Variants in SPIDR observed in about 807,000 individuals in gnomAD.
SPIDR encodes DNA repair-scaffolding protein.
In SPIDR, 93 loss-of-function variants were observed where a neutral mutation model predicts 104.6. The ratio of observed to expected loss-of-function variants is 0.89; its 90% CI spans 0.75 to 1.06. The LOEUF (loss-of-function observed/expected upper bound fraction) is 1.06. Ranked by LOEUF, SPIDR falls within the 50% of genes least tolerant of loss-of-function variation. SPIDR has a pLI of 0.00. For missense variants in SPIDR, 1,154 were observed against 1,111.2 expected (o/e 1.04, Z -0.55); for synonymous variants, 431 against 416.9 (o/e 1.03, Z -0.41).
At chr8:47,540,045 A>C (rs2087797799) in intron 8 of SPIDR, among the ~76,000 whole-genome samples, 1 of 152,212 alleles carries the variant, frequency 6.6e-6, no homozygotes, top group South Asian at 2.1e-4. Flanking sequence ...TGACTGTATT[A>C]TTCCCCCACA....
chr8:47,734,071 G>T (rs552855320), intron 19 of SPIDR, among the ~76,000 whole-genome samples: 2 of 152,148 alleles, frequency 1.3e-5, no homozygotes, highest in Admixed American at 1.3e-4. Flanking sequence ...AAACTTGGTG[G>T]CATCAATATT....
Position 47,414,534 on chromosome 8 carries a change from A to AGAG in SPIDR, c.877+6573_877+6574insGAG, listed in dbSNP as rs558474347. ...TTACAAAATTGATCTGTCGATTATA[A>AGAG]TGATTTAGCTTGAGATCTTTCTTTC... On this transcript the variant is annotated intron_variant, in intron 7 of 19. Coordinates refer to ENST00000297423, the MANE Select transcript of SPIDR (RefSeq NM_001080394.4). Among the ~76,000 whole-genome samples the AGAG allele has an allele frequency of 2.8e-3, 421 of 152,316 alleles. 1 individual carries two copies. The highest frequency in any genetic ancestry group is 9.9e-3 in the African/African-American group (411 of 41,576).
intron 5 of SPIDR, chr8:47,294,346 G>A: frequency 4.2e-6 from 1 of 236,034 alleles, no homozygotes; most frequent in Non-Finnish European, 8.2e-6. Flanking sequence ...ACCATACCTG[G>A]GCAAAAAGAT....
intron 8 of SPIDR, among the ~76,000 whole-genome samples, chr8:47,490,980 A>C (rs2078607207): frequency 6.6e-6 from 1 of 152,320 alleles, no homozygotes; most frequent in East Asian, 1.9e-4. Flanking sequence ...TGTACCCTAG[A>C]ACTTAAAGTA....
chr8:47,568,169 T>C (rs1334335000), intron 8 of SPIDR, among the ~76,000 whole-genome samples: 1 of 152,154 alleles, frequency 6.6e-6, no homozygotes, highest in Non-Finnish European at 1.5e-5. Context: ...ATGGAGAGTT[T>C]GGTAGTTACG....
intron 5 of SPIDR, among the ~76,000 whole-genome samples, chr8:47,349,225 A>T (rs1554620574): frequency 1.9e-4 from 29 of 152,124 alleles, no homozygotes. Context: ...AGGTCTGTTG[A>T]AGTTTGTTGG....
intron 7 of SPIDR, among the ~76,000 whole-genome samples, chr8:47,408,390 G>T (rs1044873526): frequency 2.0e-5 from 3 of 152,132 alleles, no homozygotes; most frequent in African/African-American, 4.8e-5. Context: ...CTCCCGACTG[G>T]CTAAGACCAC....
Position 47,639,563 on chromosome 8 carries a change from T to TG in SPIDR, c.1545-34238_1545-34237insG, listed in dbSNP as rs563904849. On this transcript the variant is annotated intron_variant, in intron 10 of 19. Transcript: ENST00000297423. ...TTTACCCTATAACTTCACTTCCACG[T>TG]ATCAAATATTAGATGTGGAATCTTC... Among the ~76,000 whole-genome samples the TG allele has an allele frequency of 3.0e-3, 452 of 152,368 alleles. 3 individuals are homozygous for TG. The highest frequency in any genetic ancestry group is 0.011 in the African/African-American group (442 of 41,590).
At chr8:47,291,267 T>G (rs2039851549) in intron 4 of SPIDR, 130 bp downstream of exon 4, 8 of 553,164 alleles carry the variant, frequency 1.4e-5, no homozygotes, top group Non-Finnish European at 2.5e-5. Context: ...GGATTTAATA[T>G]TGGAAGAAAC....
At chr8:47,330,211 A>T (rs1228905762) in intron 5 of SPIDR, among the ~76,000 whole-genome samples, 3 of 150,400 alleles carry the variant, frequency 2.0e-5, no homozygotes, top group East Asian at 1.9e-4. Context: ...TTTTTTTTTT[A>T]AAGCATCTTT....
chr8:47,529,284 G>A (rs1264607425), intron 8 of SPIDR, among the ~76,000 whole-genome samples: 1 of 152,072 alleles, frequency 6.6e-6, no homozygotes, highest in Non-Finnish European at 1.5e-5. Flanking sequence ...CGGGCATGGT[G>A]ACACGCACCT....
intron 8 of SPIDR, among the ~76,000 whole-genome samples, chr8:47,562,044 G>A (rs1382179210): frequency 6.6e-6 from 1 of 152,104 alleles, no homozygotes; most frequent in African/African-American, 2.4e-5. Flanking sequence ...TTTATAACCA[G>A]AAAAAGATTT....
At chr8:47,358,491 T>C (rs1365925315) in intron 5 of SPIDR, among the ~76,000 whole-genome samples, 2 of 152,210 alleles carry the variant, frequency 1.3e-5, no homozygotes, top group Non-Finnish European at 2.9e-5. Flanking sequence ...GTATACTCAC[T>C]TCTGAGTTTG....
intron 5 of SPIDR, among the ~76,000 whole-genome samples, chr8:47,305,661 CTTAT>C (rs1475140682): frequency 6.6e-5 from 10 of 152,186 alleles, no homozygotes; most frequent in South Asian, 4.1e-4. Context: ...TGTATTTTTA[CTTAT>C]TTATATAAAT....
In SPIDR at chr8:47,595,893, T is replaced by C. The variant is rs756587287; in HGVS notation, c.1180T>C (p.Ser394Pro). ...FCEKVVAKED[S>P]EKTCEVYCPD... ...TGAGAAAGTTGTTGCCAAAGAAGAT[T>C]CAGAAAAAACTTGTGAAGTGTACTG... is the stretch of plus-strand genomic sequence containing the variant. The change falls in exon 9 of 20, where the codon TCA becomes CCA. Residue 394 changes from serine to proline, a missense_variant. Ser to Pro is a moderately conservative substitution (Grantham distance 74). Coordinates refer to ENST00000297423, the MANE Select transcript of SPIDR (RefSeq NM_001080394.4). 3.1e-6 allele frequency: 5 copies of C among 1,614,080 alleles called. No homozygotes were observed. Among genetic ancestry groups the C allele is most frequent in the Non-Finnish European group, 4.2e-6 (5 of 1,180,032 alleles).
intron 11 of SPIDR, among the ~76,000 whole-genome samples, chr8:47,685,520 T>TA (rs1563539805): frequency 4.7e-5 from 7 of 147,846 alleles, no homozygotes; most frequent in African/African-American, 7.4e-5. Context: ...TTTATTTATT[T>TA]TTTTGAGACA....
intron 7 of SPIDR, among the ~76,000 whole-genome samples, chr8:47,427,741 T>C (rs1436260562): frequency 6.6e-6 from 1 of 151,754 alleles, no homozygotes; most frequent in Non-Finnish European, 1.5e-5. Context: ...GCCCACAGAG[T>C]GGGGTTTCCT....
chr8:47,372,399 C>T (rs921616238), intron 5 of SPIDR, among the ~76,000 whole-genome samples: 12 of 151,986 alleles, frequency 7.9e-5, no homozygotes, highest in Admixed American at 6.6e-4. Context: ...CTGAGGTGGG[C>T]GGATCACCTG....
rs555378739 is a variant in SPIDR, at chr8:47,586,396, A to G, written c.1098-9415A>G. 3.3e-5 allele frequency among the ~76,000 whole-genome samples: 5 copies of G among 152,276 alleles called. No individual in the cohort carries two copies. The East Asian group carries it at 9.7e-4, about 29-fold the overall frequency. On this transcript the variant is annotated intron_variant, in intron 8 of 19. Transcript: ENST00000297423. ...TATATGAGCAATGTAGTTTCTCCAC[A>G]TCCTTGCCAGCATTCAATGTTGATA...
Sources: gnomAD v4.1 joint callset for allele counts (sites outside exome capture counted in the v4.1 genomes callset) on GRCh38, gnomAD v4.1.1 for gene constraint, MANE v1.5 for transcripts, NCBI Gene and HGNC (gene_info 2026-07-23, HGNC 2026-07-21) for gene names.